The following FAAH2 variants were observed in gnomAD, a reference collection of about 807,000 sequenced individuals.
FAAH2 encodes the protein fatty acid amide hydrolase 2, also known as fatty-acid amide hydrolase 2.
FAAH2 carries 60 observed loss-of-function variants against 36.9 expected under a neutral mutation model. That is an observed-to-expected ratio of 1.63 (90% CI 1.32 to 2.02). The LOEUF (loss-of-function observed/expected upper bound fraction) is 2.02. Ranked by LOEUF, FAAH2 falls within the 30% of genes most tolerant of loss-of-function variation. The pLI, the probability that FAAH2 is intolerant of heterozygous loss-of-function variation, is 0.00. For missense variants in FAAH2, 689 were observed against 397.5 expected, an observed-to-expected ratio of 1.73 and a Z score of -6.23; for synonymous variants, 214 against 143.8, an observed-to-expected ratio of 1.49 and a Z score of -3.49.
chrX:57,267,722 C>A, the FAAH2 span, among the ~76,000 whole-genome samples: 141 of 111,995 alleles, frequency 1.3e-3, no homozygotes, highest in Non-Finnish European at 1.8e-3. Context: ...AGCACGCAGC[C>A]CAGAAGTTCA....
chrX:57,448,682 G>A lies in FAAH2; in HGVS notation c.1387G>A (p.Val463Ile), dbSNP rs764878514. The A allele has an allele frequency of 5.8e-6, 7 of 1,211,215 alleles. No homozygotes were observed. Among genetic ancestry groups the A allele is most frequent in the African/African-American group, 1.7e-5 (1 of 57,792 alleles). ...TCCCACAGTGGCACCTAAGCATCATGTCCCTCTAACACGGCCTTTCAACTT... is the reference window on the plus strand; with the variant it reads ...TCCCACAGTGGCACCTAAGCATCATATCCCTCTAACACGGCCTTTCAACTT... ...SHPTVAPKHH[V>I]PLTRPFNFAY... The change falls in exon 10 of 11, where the codon GTC becomes ATC. Residue 463 changes from valine (V) to isoleucine (I), a missense_variant. Physicochemically the swap from Val to Ile is conservative, Grantham distance 29 (BLOSUM62 3). Transcript: ENST00000374900.
chrX:57,142,295 T>G, the FAAH2 span, among the ~76,000 whole-genome samples: 1 of 112,067 alleles, frequency 8.9e-6, no homozygotes, highest in Non-Finnish European at 1.9e-5. Flanking sequence ...GGTTTTGGTA[T>G]GTTGTGCTTT....
chrX:57,403,336 G>A (rs779108362), intron 7 of FAAH2, among the ~76,000 whole-genome samples: 4 of 112,214 alleles, frequency 3.6e-5, no homozygotes, highest in Non-Finnish European at 7.5e-5. Context: ...GATTAGTTAC[G>A]CTCACTGATG....
chrX:57,161,541 T>C, the FAAH2 span, among the ~76,000 whole-genome samples: 7 of 111,735 alleles, frequency 6.3e-5, no homozygotes, highest in African/African-American at 2.0e-4. Flanking sequence ...AATCTGGGTG[T>C]GCCTGTATTG....
At chrX:57,256,036 C>T in the FAAH2 span, among the ~76,000 whole-genome samples, 1 of 112,117 alleles carries the variant, frequency 8.9e-6, no homozygotes, top group Non-Finnish European at 1.9e-5. Flanking sequence ...TCCATTGTCT[C>T]AGCCCAAAAT....
rs1602794595 is a variant in FAAH2 at position 57,474,949 on chromosome X, T to A, written c.1424-13808T>A. ...TGATTTGTGTTTTTCTAATGACCAGTGATAAGGAGCATTTTTTCATATATC... is the reference window on the plus strand; with the variant it reads ...TGATTTGTGTTTTTCTAATGACCAGAGATAAGGAGCATTTTTTCATATATC... On this transcript the variant is annotated intron_variant, in intron 10 of 10. Coordinates refer to ENST00000374900, the MANE Select transcript of FAAH2 (RefSeq NM_174912.4). Among the ~76,000 whole-genome samples the A allele has an allele frequency of 2.7e-5, 3 of 111,914 alleles. No individual in the cohort carries two copies. The Admixed American group carries it at 2.8e-4, about 11-fold the overall frequency.
intron 2 of FAAH2, among the ~76,000 whole-genome samples, chrX:57,307,402 C>T (rs1433995885): frequency 1.8e-5 from 2 of 110,140 alleles, no homozygotes; most frequent in African/African-American, 3.3e-5. Context: ...GTTAAGTTTT[C>T]GAAGGAGATA....
chrX:57,432,040 A>G lies in FAAH2; in HGVS notation c.1116+3A>G, dbSNP rs200495342. 2.5e-6 allele frequency: 3 copies of G among 1,188,689 alleles called. No homozygotes were observed. In the South Asian group the frequency reaches 5.6e-5, roughly 22 times the overall value. On this transcript the variant is annotated splice_donor_region_variant and intron_variant, in intron 8 of 10. Coordinates refer to ENST00000374900, the MANE Select transcript of FAAH2 (RefSeq NM_174912.4). ...CAGCAAAGGGACATGATGGGAAGGTATTTTTACCTCTTTCTTTACTTACTT... is the reference window on the plus strand; with the variant it reads ...CAGCAAAGGGACATGATGGGAAGGTGTTTTTACCTCTTTCTTTACTTACTT...
chrX:57,144,869 G>T, the FAAH2 span, among the ~76,000 whole-genome samples: 2 of 103,850 alleles, frequency 1.9e-5, no homozygotes, highest in South Asian at 8.5e-4. Flanking sequence ...TTTTATGACT[G>T]AGTAGTATTC....
intron 5 of FAAH2, among the ~76,000 whole-genome samples, chrX:57,349,490 C>CACATATAT (rs1307647028): frequency 1.0e-5 from 1 of 98,557 alleles, no homozygotes; most frequent in Non-Finnish European, 2.0e-5. Context: ...CATATATATA[C>CACATATAT]ACATATATAC....
chrX:57,259,742 G>A, the FAAH2 span, among the ~76,000 whole-genome samples: 1 of 111,701 alleles, frequency 9.0e-6, no homozygotes, highest in Non-Finnish European at 1.9e-5. Context: ...TAGCTTGATT[G>A]TGGTAATAAT....
the FAAH2 span, among the ~76,000 whole-genome samples, chrX:57,180,008 G>A: frequency 8.9e-6 from 1 of 112,117 alleles, no homozygotes; most frequent in African/African-American, 3.2e-5. Context: ...ATCTGCTCTT[G>A]AATGACTTTG....
chrX:57,128,676 AG>A, the FAAH2 span, among the ~76,000 whole-genome samples: 9 of 111,868 alleles, frequency 8.0e-5, no homozygotes, highest in East Asian at 2.2e-3. Context: ...ACAAATGCAA[AG>A]GGGATTTATA....
the FAAH2 span, among the ~76,000 whole-genome samples, chrX:57,204,558 C>G: frequency 3.4e-4 from 38 of 111,932 alleles, no homozygotes; most frequent in Non-Finnish European, 4.7e-4. Context: ...TCCAAATCAG[C>G]TGTTGATTTT....
the FAAH2 span, among the ~76,000 whole-genome samples, chrX:57,143,486 A>G: frequency 9.1e-6 from 1 of 109,931 alleles, no homozygotes; most frequent in East Asian, 2.9e-4. Flanking sequence ...TATTATTATT[A>G]TTATTATTGA....
chrX:57,469,663 C>G (rs1445070445), intron 10 of FAAH2, among the ~76,000 whole-genome samples: 1 of 111,540 alleles, frequency 9.0e-6, no homozygotes, highest in Non-Finnish European at 1.9e-5. Flanking sequence ...GACTTTAACA[C>G]CCCACTGTCA....
chrX:57,166,180 C>G, the FAAH2 span, among the ~76,000 whole-genome samples: 23 of 110,138 alleles, frequency 2.1e-4, no homozygotes, highest in African/African-American at 6.6e-4. Flanking sequence ...CACCACCTTC[C>G]CACTCCATCC....
chrX:57,139,755 C>T, the FAAH2 span, among the ~76,000 whole-genome samples: 1 of 111,690 alleles, frequency 9.0e-6, no homozygotes, highest in Admixed American at 9.5e-5. Context: ...CGCCTGTCCC[C>T]ATAGGTTTAT....
At chrX:57,124,140 T>G in the FAAH2 span, among the ~76,000 whole-genome samples, 1 of 111,664 alleles carries the variant, frequency 9.0e-6, no homozygotes, top group African/African-American at 3.3e-5. Context: ...GTTTTAGGTC[T>G]AACGTTTAAG....
Sources: allele counts gnomAD v4.1 joint callset (sites outside exome capture counted in the v4.1 genomes callset), GRCh38; gene constraint gnomAD v4.1.1; transcripts MANE v1.5; gene names NCBI Gene and HGNC (gene_info 2026-07-23, HGNC 2026-07-21).